Variants in ECT2L observed in about 807,000 individuals in gnomAD.
ECT2L encodes epithelial cell transforming 2 like.
ECT2L carries 126 observed loss-of-function variants against 122.8 expected under a neutral mutation model. That is an observed-to-expected ratio of 1.03 (90% CI 0.89 to 1.19). The LOEUF (loss-of-function observed/expected upper bound fraction) is 1.19. Ranked by LOEUF, ECT2L falls within the 50% of genes most tolerant of loss-of-function variation. The pLI is 0.00. For synonymous variants in ECT2L, 385 were observed against 381.8 expected (o/e 1.01, Z -0.10); for missense variants, 1,012 against 1,064.1 (o/e 0.95, Z 0.68).
At chr6:138,839,227 A>T (rs1776956513) in intron 5 of ECT2L, among the ~76,000 whole-genome samples, 1 of 152,246 alleles carries the variant, frequency 6.6e-6, no homozygotes, top group Non-Finnish European at 1.5e-5. Context: ...ATACATTGAG[A>T]TCTGTCAACA....
At chr6:138,833,107 G>C (rs558570903) in intron 4 of ECT2L, among the ~76,000 whole-genome samples, 77 of 151,990 alleles carry the variant, frequency 5.1e-4, no homozygotes, top group Non-Finnish European at 9.3e-4. Context: ...AGAACAGCGT[G>C]GGGGAAACCA....
At chr6:138,873,088 A>T (rs754038985) in intron 13 of ECT2L, among the ~76,000 whole-genome samples, 4 of 152,230 alleles carry the variant, frequency 2.6e-5, no homozygotes, top group Non-Finnish European at 5.9e-5. Flanking sequence ...TGATCCGAAC[A>T]GCTCATTATG....
At chr6:138,813,511 C>A (rs912000486) in intron 3 of ECT2L, among the ~76,000 whole-genome samples, 171 bp downstream of exon 3, 1 of 152,082 alleles carries the variant, frequency 6.6e-6, no homozygotes, top group Admixed American at 6.5e-5. Context: ...CTCTTCTCAC[C>A]CCAGTTCTCA....
At chr6:138,833,611 T>C (rs1291496646) in intron 4 of ECT2L, among the ~76,000 whole-genome samples, 1 of 152,072 alleles carries the variant, frequency 6.6e-6, no homozygotes. Context: ...GAGACCAGCC[T>C]GGCCAACGTG....
chr6:138,860,344 A>AT (rs545046384), intron 10 of ECT2L, among the ~76,000 whole-genome samples: 15 of 147,852 alleles, frequency 1.0e-4, no homozygotes, highest in South Asian at 2.1e-4. Context: ...ATAGAGGTTA[A>AT]TTTTTTTTTT....
chr6:138,834,935 A>ACACACACACACT (rs5880405), intron 4 of ECT2L, among the ~76,000 whole-genome samples: 35 of 142,866 alleles, frequency 2.4e-4, no homozygotes, highest in Admixed American at 1.5e-3. Flanking sequence ...ACACACACAC[A>ACACACACACACT]CTCTCATTCT....
At chr6:138,840,883 C>T (rs1010535953) in intron 5 of ECT2L, among the ~76,000 whole-genome samples, 18 of 152,182 alleles carry the variant, frequency 1.2e-4, no homozygotes, top group African/African-American at 3.9e-4. Flanking sequence ...TCCTAGTATT[C>T]CAATACTTAT....
rs59516776 is a variant in ECT2L at position 138,844,891 on chromosome 6, T to C, written c.764+311T>C. On this transcript the variant is annotated intron_variant, in intron 7 of 21. Coordinates refer to ENST00000541398, the MANE Select transcript of ECT2L (RefSeq NM_001077706.3). The stretch of plus-strand genomic sequence containing the variant: ...GCGATCCTCCCGCCATCCTCCCAAA[T>C]AGCTGCGATTACAGGCATGTGCCAC... Among the ~76,000 whole-genome samples, 529 of 147,272 alleles carry C rather than the reference T, an allele frequency of 3.6e-3. 4 individuals are homozygous for C. Among genetic ancestry groups the C allele is most frequent in the African/African-American group, 0.012 (498 of 39,926 alleles).
intron 4 of ECT2L, among the ~76,000 whole-genome samples, chr6:138,815,512 A>G (rs980401968): frequency 6.6e-6 from 1 of 152,160 alleles, no homozygotes. Context: ...GTTAGTCTGG[A>G]GGATTTCTGG....
chr6:138,836,073 C>A (rs1464087246), intron 4 of ECT2L, among the ~76,000 whole-genome samples: 1 of 152,088 alleles, frequency 6.6e-6, no homozygotes, highest in East Asian at 1.9e-4. Context: ...GCTGTGTTCT[C>A]AGTGGATCGC....
rs746942208 is a variant in ECT2L, at chr6:138,903,394, C to T, written c.*767C>T. 6.0e-5 allele frequency: 9 copies of T among 150,936 alleles called. No individual in the cohort carries two copies. Among genetic ancestry groups the T allele is most frequent in the Non-Finnish European group, 1.3e-4 (9 of 67,734 alleles). The allele number at this position is 150,936 out of a possible 1,614,324, so 9.3% of individuals were successfully genotyped here. ...AAGAAAAAAAAAAGGACAAGAAATACAAATGGCAATTTACTCAAAAACTTG... is the reference window on the plus strand; with the variant it reads ...AAGAAAAAAAAAAGGACAAGAAATATAAATGGCAATTTACTCAAAAACTTG... On this transcript the variant is annotated 3_prime_UTR_variant, in exon 22 of 22. Coordinates refer to ENST00000541398, the MANE Select transcript of ECT2L (RefSeq NM_001077706.3).
chr6:138,809,517 CTCT>C (rs1403174822), intron 1 of ECT2L, among the ~76,000 whole-genome samples: 1 of 152,036 alleles, frequency 6.6e-6, no homozygotes, highest in Non-Finnish European at 1.5e-5. Context: ...ATATAATTTT[CTCT>C]TTTTTTTTGT....
rs1038683621 is a variant in ECT2L at position 138,862,511 on chromosome 6, C to A, written c.1199-116C>A. ...TGATCCCTCCTGCCAGGCCCCACCT[C>A]CAACGTTGGGGATTAGATTTCAACA... On this transcript the variant is annotated intron_variant, in intron 10 of 21. Coordinates refer to ENST00000541398, the MANE Select transcript of ECT2L (RefSeq NM_001077706.3). The A allele has an allele frequency of 4.0e-6, 4 of 991,376 alleles. No homozygotes were observed. In the African/African-American group the frequency reaches 4.7e-5, roughly 12 times the overall value. The allele number at this position is 991,376 out of a possible 1,614,324, so 61.4% of individuals were successfully genotyped here. A position where few individuals can be genotyped will look rare whatever the true frequency, so the allele number is the denominator to read the frequency against.
rs541748290 is a variant in ECT2L at position 138,841,955 on chromosome 6, T to C, written c.343-1024T>C. 2.0e-5 allele frequency among the ~76,000 whole-genome samples: 3 copies of C among 152,376 alleles called. No homozygotes were observed. In the South Asian group the frequency reaches 6.2e-4, roughly 32 times the overall value. The stretch of plus-strand genomic sequence containing the variant: ...ATGAGAGGGTTAATCTGAAAGAAAC[T>C]ATTCCACTATTGCTAGAAGCTGAAT... On this transcript the variant is annotated intron_variant, in intron 5 of 21. Transcript: ENST00000541398.
At chr6:138,830,304 C>T (rs767946875) in intron 4 of ECT2L, among the ~76,000 whole-genome samples, 3 of 152,280 alleles carry the variant, frequency 2.0e-5, no homozygotes, top group African/African-American at 2.4e-5. Flanking sequence ...TCTAAACGGC[C>T]AGATAGCAAC....
chr6:138,815,449 A>G (rs1776035823), intron 4 of ECT2L, among the ~76,000 whole-genome samples: 1 of 152,224 alleles, frequency 6.6e-6, no homozygotes, highest in African/African-American at 2.4e-5. Flanking sequence ...GGCTGGTAGC[A>G]GGTACGTGGC....
intron 7 of ECT2L, among the ~76,000 whole-genome samples, chr6:138,845,389 C>T (rs1419545602): frequency 1.3e-5 from 2 of 152,018 alleles, no homozygotes; most frequent in South Asian, 2.1e-4. Context: ...ACTATAGGTG[C>T]GCACTACCAT....
intron 13 of ECT2L, among the ~76,000 whole-genome samples, chr6:138,873,898 G>GTGTCTGTGTGTGTGTGTA (rs1778350916): frequency 6.7e-6 from 1 of 150,126 alleles, no homozygotes; most frequent in African/African-American, 2.5e-5. Flanking sequence ...GTGTGTGTGT[G>GTGTCTGTGTGTGTGTGTA]TGTGTGTGTG....
At chr6:138,887,674 G>T (rs1005958399) in intron 19 of ECT2L, among the ~76,000 whole-genome samples, 1 of 152,152 alleles carries the variant, frequency 6.6e-6, no homozygotes, top group African/African-American at 2.4e-5. Flanking sequence ...ATCTCTTACA[G>T]TTTTCCTGAC....
Sources: allele counts gnomAD v4.1 joint callset (sites outside exome capture counted in the v4.1 genomes callset), GRCh38; gene constraint gnomAD v4.1.1; transcripts MANE v1.5; gene names NCBI Gene and HGNC (gene_info 2026-07-23, HGNC 2026-07-21).